The following NKAIN2 variants were observed in gnomAD, a reference collection of about 807,000 sequenced individuals.
NKAIN2 encodes the protein sodium/potassium transporting ATPase interacting 2, also known as sodium/potassium-transporting ATPase subunit beta-1-interacting protein 2.
A neutral mutation model predicts 32.6 loss-of-function variants in NKAIN2; 14 were observed. The observed-to-expected ratio is 0.43, with a 90% CI of 0.28 to 0.67. The LOEUF (loss-of-function observed/expected upper bound fraction) is 0.67, where lower values mean the gene tolerates loss of function less well. Among genes scored for constraint, NKAIN2 ranks in the 30% least tolerant of loss-of-function variants. The pLI, the probability that NKAIN2 is intolerant of heterozygous loss-of-function variation, is 0.17. For missense variants in NKAIN2, 198 were observed against 258.3 expected, an observed-to-expected ratio of 0.77 and a Z score of 1.60; for synonymous variants, 80 against 87.2, an observed-to-expected ratio of 0.92 and a Z score of 0.46.
chr6:124,223,427 G>A (rs1399123861), intron 1 of NKAIN2, among the ~76,000 whole-genome samples: 3 of 152,066 alleles, frequency 2.0e-5, no homozygotes, highest in Non-Finnish European at 4.4e-5. Flanking sequence ...ATAAGGGAAA[G>A]GCAATCAAAT....
chr6:124,149,123 T>A (rs770628693), intron 1 of NKAIN2, among the ~76,000 whole-genome samples: 99 of 151,836 alleles, frequency 6.5e-4, no homozygotes, highest in Admixed American at 1.2e-3. Flanking sequence ...AACGTCTATT[T>A]AAATCCTTTT....
chr6:124,688,941 G>A (rs1233683124), intron 4 of NKAIN2, among the ~76,000 whole-genome samples: 1 of 152,112 alleles, frequency 6.6e-6, no homozygotes, highest in Non-Finnish European at 1.5e-5. Context: ...ATAAAGGTCT[G>A]TGCACAGATT....
chr6:124,046,439 T>C (rs1355300816), intron 1 of NKAIN2, among the ~76,000 whole-genome samples: 1 of 152,006 alleles, frequency 6.6e-6, no homozygotes, highest in African/African-American at 2.4e-5. Flanking sequence ...CATTAGTTCC[T>C]TTAACATTCA....
chr6:124,299,458 T>C lies in NKAIN2; in HGVS notation c.192+16316T>C, dbSNP rs1796206823. Among the ~76,000 whole-genome samples, 3 of 152,154 alleles carry C rather than the reference T, an allele frequency of 2.0e-5. No homozygotes were observed. In the South Asian group the frequency reaches 6.2e-4, roughly 32 times the overall value. ...CTCCAAATCGGATCATTGCTCTAAA[T>C]AGAAAAATGATTTTTTTTAAAGAGT... On this transcript the variant is annotated intron_variant, in intron 2 of 6. Coordinates refer to ENST00000368417, the MANE Select transcript of NKAIN2 (RefSeq NM_001040214.3).
At chr6:124,757,359 C>G (rs551687721) in intron 4 of NKAIN2, among the ~76,000 whole-genome samples, 1 of 152,206 alleles carries the variant, frequency 6.6e-6, no homozygotes, top group East Asian at 1.9e-4. Flanking sequence ...ACATTCCTGT[C>G]ACTCTCATAT....
rs186552364 is a variant in NKAIN2 at position 123,848,624 on chromosome 6, C to T, written c.54+44370C>T. On this transcript the variant is annotated intron_variant, in intron 1 of 6. Coordinates refer to ENST00000368417, the MANE Select transcript of NKAIN2 (RefSeq NM_001040214.3). ...ACTGTGAGTCAATTCAACCTCTTTC[C>T]TTTATAATTTACCCAGACTTAGGCA... is the stretch of plus-strand genomic sequence containing the variant. Among the ~76,000 whole-genome samples the T allele has an allele frequency of 3.9e-5, 6 of 152,190 alleles. No individual in the cohort carries two copies. In the East Asian group the frequency reaches 1.2e-3, roughly 29 times the overall value.
intron 3 of NKAIN2, among the ~76,000 whole-genome samples, chr6:124,620,253 T>C (rs530283332): frequency 6.6e-6 from 1 of 152,298 alleles, no homozygotes; most frequent in South Asian, 2.1e-4. Flanking sequence ...GCAGGCAAAA[T>C]TCACATACAG....
At chr6:124,267,743 T>C (rs1435805159) in intron 1 of NKAIN2, among the ~76,000 whole-genome samples, 3 of 152,182 alleles carry the variant, frequency 2.0e-5, no homozygotes, top group Non-Finnish European at 2.9e-5. Context: ...TATGTTACTT[T>C]AATTCAAATT....
chr6:124,583,615 C>T (rs1175603743), intron 3 of NKAIN2, among the ~76,000 whole-genome samples: 1 of 152,066 alleles, frequency 6.6e-6, no homozygotes, highest in African/African-American at 2.4e-5. Flanking sequence ...ATAGAAAATA[C>T]AATTCTAAAC....
intron 1 of NKAIN2, among the ~76,000 whole-genome samples, chr6:124,175,615 G>A (rs1324716747): frequency 6.6e-6 from 1 of 152,028 alleles, no homozygotes; most frequent in Admixed American, 6.6e-5. Context: ...TACATCTATT[G>A]TTTTTATATC....
intron 1 of NKAIN2, among the ~76,000 whole-genome samples, chr6:124,045,636 T>G (rs1782085204): frequency 6.6e-6 from 1 of 152,038 alleles, no homozygotes; most frequent in Non-Finnish European, 1.5e-5. Context: ...TAGTAACCTT[T>G]GTCTGCATTG....
At chr6:124,169,429 A>G (rs985212965) in intron 1 of NKAIN2, among the ~76,000 whole-genome samples, 4 of 152,190 alleles carry the variant, frequency 2.6e-5, no homozygotes, top group African/African-American at 7.2e-5. Flanking sequence ...GATTTGCTAC[A>G]GTTTCACATT....
intron 4 of NKAIN2, among the ~76,000 whole-genome samples, chr6:124,661,890 G>A (rs1186723807): frequency 4.6e-5 from 4 of 86,612 alleles, no homozygotes; most frequent in Non-Finnish European, 4.4e-5. Context: ...AAAATTAATC[G>A]GATCCTTTCA....
chr6:124,587,130 A>G (rs557242222), intron 3 of NKAIN2, among the ~76,000 whole-genome samples: 24 of 152,320 alleles, frequency 1.6e-4, no homozygotes, highest in Non-Finnish European at 2.6e-4. Context: ...ACACTAAAAA[A>G]GGTAAACTTT....
intron 1 of NKAIN2, among the ~76,000 whole-genome samples, chr6:123,879,446 G>A (rs1178890481): frequency 6.6e-6 from 1 of 152,202 alleles, no homozygotes; most frequent in Non-Finnish European, 1.5e-5. Context: ...CTGGAATACA[G>A]TGGCTTTTAA....
intron 2 of NKAIN2, among the ~76,000 whole-genome samples, chr6:124,335,634 A>C (rs1797831295): frequency 6.6e-6 from 1 of 152,124 alleles, no homozygotes; most frequent in Non-Finnish European, 1.5e-5. Context: ...CATCTACCAT[A>C]CCTTAGTAAA....
At chr6:123,914,556 A>G (rs1775395511) in intron 1 of NKAIN2, among the ~76,000 whole-genome samples, 1 of 152,144 alleles carries the variant, frequency 6.6e-6, no homozygotes, top group African/African-American at 2.4e-5. Context: ...CCTTCAGTTC[A>G]TAACACCCTC....
chr6:124,499,479 T>A (rs991585467), intron 3 of NKAIN2, among the ~76,000 whole-genome samples: 3 of 152,210 alleles, frequency 2.0e-5, no homozygotes, highest in African/African-American at 7.2e-5. Context: ...ATTGCTCTTG[T>A]TTTTCTGGAT....
chr6:124,001,427 T>C (rs1779873471), intron 1 of NKAIN2, among the ~76,000 whole-genome samples: 1 of 152,038 alleles, frequency 6.6e-6, no homozygotes, highest in South Asian at 2.1e-4. Flanking sequence ...CTAATTTTCA[T>C]ATAAATAATT....
Sources: allele counts gnomAD v4.1 joint callset (sites outside exome capture counted in the v4.1 genomes callset), GRCh38; gene constraint gnomAD v4.1.1; transcripts MANE v1.5; gene names NCBI Gene and HGNC (gene_info 2026-07-23, HGNC 2026-07-21).